The following DCHS1 variants were observed in gnomAD, a reference collection of about 807,000 sequenced individuals.
DCHS1 encodes the protein protocadherin-16.
Under a neutral mutation model 213.9 loss-of-function variants are expected in DCHS1, and 78 were observed. The ratio of observed to expected loss-of-function variants is 0.36; its 90% CI spans 0.30 to 0.44. DCHS1 has a LOEUF of 0.44. DCHS1 is among the 20% of genes least tolerant of loss of function. The pLI, the probability that DCHS1 is intolerant of heterozygous loss-of-function variation, is 1.00. For synonymous variants in DCHS1, 1,828 were observed against 1,873.7 expected, an observed-to-expected ratio of 0.98 and a Z score of 0.63; for missense variants, 3,946 against 4,395.9, an observed-to-expected ratio of 0.90 and a Z score of 2.89.
intron 8 of DCHS1, 35 bp from the exon 9 acceptor site, chr11:6,631,245 C>A: frequency 6.2e-7 from 1 of 1,613,048 alleles, no homozygotes; most frequent in Non-Finnish European, 8.5e-7. Flanking sequence ...GGGCTTGGGG[C>A]CCAGAGCTGG....
chr11:6,651,528 GA>G (rs1856242315), intron 1 of DCHS1, among the ~76,000 whole-genome samples: 1 of 152,192 alleles, frequency 6.6e-6, no homozygotes, highest in Non-Finnish European at 1.5e-5. Context: ...AGCAGGGAGT[GA>G]CATAGTTGGA....
At position 6,622,175 on chromosome 11, in the gene DCHS1, C is replaced by T. The variant is rs1210989104; in HGVS notation, c.9501G>A (p.Leu3167=). ...GTGGTTGGAACTGAGGGCACCAGCT[C>T]AGCAGGTAGTCCCAGTTATAGCTGC... is the stretch of plus-strand genomic sequence containing the variant. ...LRGSYNWDYL[L]SWCPQFQPLA... is the part of the protein sequence containing the mutation. The change falls in exon 21 of 21, where the codon CTG becomes CTA. Residue 3167 remains leucine (L), a synonymous_variant. Coordinates refer to ENST00000299441, the MANE Select transcript of DCHS1 (RefSeq NM_003737.4). The surrounding 1 kb of genome is among the most constrained non-coding windows in gnomAD (Gnocchi z 5.4). The T allele has an allele frequency of 1.1e-5, 17 of 1,609,846 alleles. No homozygotes were observed. The highest frequency in any genetic ancestry group is 1.4e-5 in the Non-Finnish European group (16 of 1,179,026).
rs1855856531 is a variant in DCHS1, at chr11:6,628,897, G to A, written c.5162-67C>T. ...CACATGGAGAAATCCACACCACACA[G>A]TGTTCATACATGTTCACTAGGTGCA... On this transcript the variant is annotated intron_variant, in intron 12 of 20. Coordinates refer to ENST00000299441, the MANE Select transcript of DCHS1 (RefSeq NM_003737.4). This position sits in a 1 kb window ranked among gnomAD's most constrained non-coding sequence, Gnocchi z 4.3. The A allele has an allele frequency of 6.6e-7, 1 of 1,515,998 alleles. No individual in the cohort carries two copies. The highest frequency in any genetic ancestry group is 2.4e-5 in the East Asian group (1 of 41,626). 93.9% of individuals were successfully genotyped at this position (1,515,998 alleles called of 1,614,324 possible). A position where few individuals can be genotyped will look rare whatever the true frequency, so the allele number is the denominator to read the frequency against.
rs1250750044 is a variant in DCHS1 at position 6,630,856 on chromosome 11, G to A, written c.3938C>T (p.Pro1313Leu). Residue 1313 changes from proline to leucine, a missense_variant, in exon 10 of 21, where the codon CCC (proline) becomes CTC (leucine). Pro to Leu is a moderately conservative substitution (Grantham distance 98). Coordinates refer to ENST00000299441, the MANE Select transcript of DCHS1 (RefSeq NM_003737.4). ...GGGCGGCTCGGCCAAGCGAGCTGAG[G>A]GAAGCACCTGTTGTGGACCGGGGAG... is the stretch of plus-strand genomic sequence containing the variant. ...ASLQLLVQVL[P>L]SARLAEPPPD... The A allele has an allele frequency of 6.6e-7, 1 of 1,524,760 alleles. No homozygotes were observed. The highest frequency in any genetic ancestry group is 1.2e-5 in the South Asian group (1 of 80,252). 94.5% of individuals were successfully genotyped at this position (1,524,760 alleles called of 1,614,324 possible). A position where few individuals can be genotyped will look rare whatever the true frequency, so the allele number is the denominator to read the frequency against.
At chr11:6,639,750 G>C (rs1589959887) in intron 2 of DCHS1, 67 bp downstream of exon 2, 1 of 1,375,276 alleles carries the variant, frequency 7.3e-7, no homozygotes, top group East Asian at 2.3e-5. Context: ...CTTGGTTCCT[G>C]CTCTGAGGTC....
chr11:6,638,880 A>C (rs1239860436), intron 2 of DCHS1, among the ~76,000 whole-genome samples: 1 of 152,168 alleles, frequency 6.6e-6, no homozygotes, highest in African/African-American at 2.4e-5. Context: ...CAGCTCAAAG[A>C]AATTCAGTGA....
chr11:6,649,252 A>T lies in DCHS1; in HGVS notation c.-121+6311T>A, dbSNP rs562451856. ...CTCCAAAGCTAGTGCTTTCTGTTAG[A>T]CCACACTGCTTGCCTGCTGGAGGGC... is the stretch of plus-strand genomic sequence containing the variant. On this transcript the variant is annotated intron_variant, in intron 1 of 20. Transcript: ENST00000299441. Among the ~76,000 whole-genome samples, 18 of 151,642 alleles carry T rather than the reference A, an allele frequency of 1.2e-4. 1 individual carries two copies. Among genetic ancestry groups the T allele is most frequent in the African/African-American group, 3.9e-4 (16 of 41,262 alleles).
intron 1 of DCHS1, among the ~76,000 whole-genome samples, chr11:6,653,881 C>G (rs974804431): frequency 6.6e-6 from 1 of 151,916 alleles, no homozygotes; most frequent in African/African-American, 2.4e-5. Flanking sequence ...GTAATGGGAG[C>G]GAGAACATCT....
rs759792901 is a variant in DCHS1 at position 6,624,839 on chromosome 11, G to C, written c.7176C>G (p.Gly2392=). Residue 2392 remains glycine, a synonymous_variant, in exon 20 of 21, where the codon GGC becomes GGG. Coordinates refer to ENST00000299441, the MANE Select transcript of DCHS1 (RefSeq NM_003737.4). ...TGGCAGAGACGGAGAGAATGGCACTGCCTGGGGGTGTGTGCTCAAGCAGCA... is the reference window on the plus strand; with the variant it reads ...TGGCAGAGACGGAGAGAATGGCACTCCCTGGGGGTGTGTGCTCAAGCAGCA... The part of the protein sequence containing the change: ...QVMLLEHTPP[G]SAILSVSATD... The C allele has an allele frequency of 6.4e-5, 104 of 1,613,792 alleles. 1 individual carries two copies. The highest frequency in any genetic ancestry group is 8.5e-5 in the Non-Finnish European group (100 of 1,179,864).
At chr11:6,631,897 G>T (rs186090878) in intron 6 of DCHS1, 88 bp from the exon 7 acceptor site, 4 of 1,453,518 alleles carry the variant, frequency 2.8e-6, no homozygotes, top group East Asian at 2.4e-5. Context: ...TTTGGGGAGT[G>T]GGGGAGGGAA....
intron 1 of DCHS1, among the ~76,000 whole-genome samples, chr11:6,650,121 C>T (rs1432426909): frequency 2.0e-5 from 3 of 152,228 alleles, no homozygotes; most frequent in Non-Finnish European, 4.4e-5. Flanking sequence ...TCTTTCTTCT[C>T]TTTCTTCCTT....
At position 6,628,875 on chromosome 11, in the gene DCHS1, A is replaced by C. The variant is rs1855856217; in HGVS notation, c.5162-45T>G. ...ATGAGGTCTAGTCTGCCCTCACCAC[A>C]TGGAGAAATCCACACCACACAGTGT... is the stretch of plus-strand genomic sequence containing the variant. On this transcript the variant is annotated intron_variant, in intron 12 of 20. Transcript: ENST00000299441. This position sits in a 1 kb window ranked among gnomAD's most constrained non-coding sequence, Gnocchi z 4.3. The C allele has an allele frequency of 6.4e-7, 1 of 1,570,974 alleles. No homozygotes were observed. Among genetic ancestry groups the C allele is most frequent in the South Asian group, 1.2e-5 (1 of 86,686 alleles).
Position 6,624,093 on chromosome 11 carries a change from C to A in DCHS1, c.7583G>T (p.Gly2528Val), listed in dbSNP as rs1453507904. Residue 2528 changes from glycine to valine, a missense_variant, in exon 21 of 21, where the codon GGC becomes GTC. This residue lies in a region of DCHS1 where 3,384 missense variants were observed against 3,780.1 expected (regional missense o/e 0.90). Transcript: ENST00000299441. ...CCTGGGTTCCAGCTGGAAGACTCGGCCCCAGTTGCCACTGATGATGCTGTA... is the reference window on the plus strand; with the variant it reads ...CCTGGGTTCCAGCTGGAAGACTCGGACCCAGTTGCCACTGATGATGCTGTA... ...VDYSIISGNW[G>V]RVFQLEPRLA... is the part of the protein sequence containing the mutation. 6.2e-7 allele frequency: 1 copy of A among 1,612,138 alleles called. No individual in the cohort carries two copies. The highest frequency in any genetic ancestry group is 1.7e-5 in the Admixed American group (1 of 59,676).
rs200144593 is a variant in DCHS1 at position 6,631,056 on chromosome 11, C to T, written c.3927G>A (p.Val1309=). Reference sequence around the variant, plus strand: ...AGGGGAGGAAGGGCAGCCATACCTGCACCAGCAGCTGGAGGCTGGCACTTC... The same window carrying T: ...AGGGGAGGAAGGGCAGCCATACCTGTACCAGCAGCTGGAGGCTGGCACTTC... ...PPRSASLQLL[V]QVLPSARLAE... The change falls in exon 9 of 21, where the codon GTG becomes GTA. Residue 1309 remains valine, a synonymous_variant. Coordinates refer to ENST00000299441, the MANE Select transcript of DCHS1 (RefSeq NM_003737.4). The T allele has an allele frequency of 6.2e-6, 10 of 1,606,096 alleles. No homozygotes were observed. In the Admixed American group the frequency reaches 1.5e-4, roughly 25 times the overall value.
chr11:6,655,193 A>G (rs1159397882), intron 1 of DCHS1, among the ~76,000 whole-genome samples: 1 of 151,994 alleles, frequency 6.6e-6, no homozygotes, highest in East Asian at 1.9e-4. Flanking sequence ...TCTGACCCTC[A>G]CACCCTCAGA....
chr11:6,626,028 T>C lies in DCHS1; in HGVS notation c.6623A>G (p.Tyr2208Cys). 6.2e-7 allele frequency: 1 copy of C among 1,612,310 alleles called. No individual in the cohort carries two copies. The highest frequency in any genetic ancestry group is 8.5e-7 in the Non-Finnish European group (1 of 1,179,174). ...LDQGSGGQIS[Y>C]SLAASQPARG... ...TGCCGGCTGGGATGCAGCCAGACTGTAGGAAATCTGTCCTCCAGAGCCTTG... is the reference window on the plus strand; with the variant it reads ...TGCCGGCTGGGATGCAGCCAGACTGCAGGAAATCTGTCCTCCAGAGCCTTG... Residue 2208 changes from tyrosine (Y) to cysteine (C), a missense_variant, in exon 17 of 21, where the codon TAC (tyrosine) becomes TGC (cysteine). By Grantham distance (194) the Tyr-to-Cys change is radical. Coordinates refer to ENST00000299441, the MANE Select transcript of DCHS1 (RefSeq NM_003737.4). The surrounding 1 kb of genome is among the most constrained non-coding windows in gnomAD (Gnocchi z 5.2).
At position 6,632,174 on chromosome 11, in the gene DCHS1, G is replaced by A. The variant is rs1855920338; in HGVS notation, c.3338C>T (p.Ala1113Val). ...CCCTGGGGGCTGGTTCTCAGCCACAGCCAGGAAGGTGGGATCCTCAGACAA... is the reference window on the plus strand; with the variant it reads ...CCCTGGGGGCTGGTTCTCAGCCACAACCAGGAAGGTGGGATCCTCAGACAA... ...PRLSEDPTFL[A>V]VAENQPPGTS... Residue 1113 changes from alanine to valine, a missense_variant, in exon 6 of 21, where the codon GCT becomes GTT. Transcript: ENST00000299441. The surrounding 1 kb of genome is among the most constrained non-coding windows in gnomAD (Gnocchi z 5.9). The A allele has an allele frequency of 6.3e-7, 1 of 1,598,920 alleles. No homozygotes were observed. The highest frequency in any genetic ancestry group is 8.6e-7 in the Non-Finnish European group (1 of 1,169,436).
chr11:6,635,393 T>C (rs1185988610), intron 2 of DCHS1, among the ~76,000 whole-genome samples: 1 of 152,200 alleles, frequency 6.6e-6, no homozygotes, highest in East Asian at 1.9e-4. Flanking sequence ...AGGCCCTCAA[T>C]AGTGGGTTAG....
At chr11:6,637,374 G>T (rs934039449) in intron 2 of DCHS1, among the ~76,000 whole-genome samples, 3 of 152,132 alleles carry the variant, frequency 2.0e-5, no homozygotes, top group Non-Finnish European at 4.4e-5. Context: ...TCTAGATATT[G>T]CTAATATCCC....
Sources: gnomAD v4.1 joint callset for allele counts (sites outside exome capture counted in the v4.1 genomes callset) on GRCh38, gnomAD v4.1.1 for gene constraint, gnomAD v4.1.1 regional missense constraint, Gnocchi (gnomAD v3.1) non-coding constraint, MANE v1.5 for transcripts, NCBI Gene and HGNC (gene_info 2026-07-23, HGNC 2026-07-21) for gene names.